Variants in MSS51 observed in about 807,000 individuals in gnomAD.
MSS51 encodes the protein putative protein MSS51 homolog, mitochondrial.
Under a neutral mutation model 40.2 loss-of-function variants are expected in MSS51, and 32 were observed. That is an observed-to-expected ratio of 0.80 (90% CI 0.60 to 1.07). The LOEUF (loss-of-function observed/expected upper bound fraction) is 1.07. MSS51 is among the 50% of genes least tolerant of loss of function. MSS51 has a pLI of 0.00. For missense variants in MSS51, 518 were observed against 568.9 expected (o/e 0.91, Z 0.91); for synonymous variants, 178 against 214.2 (o/e 0.83, Z 1.48).
rs1266281511 is a variant in MSS51, at chr10:73,428,248, G to A, written c.37C>T (p.Pro13Ser). The change falls in exon 2 of 7, where the codon CCT becomes TCT. Residue 13 changes from proline (P) to serine (S), a missense_variant. By Grantham distance (74) the Pro-to-Ser change is moderately conservative. Coordinates refer to ENST00000299432, the MANE Select transcript of MSS51 (RefSeq NM_001024593.2). ...PRSRRRRHKK[P>S]PSSVAPIIMA... Reference sequence around the variant, plus strand: ...ATGATGGGAGCCACTGATGAGGGAGGTTTCTTGTGCCTTCGTCGCCGGGAC... The same window carrying A: ...ATGATGGGAGCCACTGATGAGGGAGATTTCTTGTGCCTTCGTCGCCGGGAC... The A allele has an allele frequency of 6.2e-7, 1 of 1,613,352 alleles. No homozygotes were observed. The highest frequency in any genetic ancestry group is 1.3e-5 in the African/African-American group (1 of 74,888).
At chr10:73,430,208 G>A (rs1175965578) in intron 1 of MSS51, among the ~76,000 whole-genome samples, 1 of 152,044 alleles carries the variant, frequency 6.6e-6, no homozygotes, top group Non-Finnish European at 1.5e-5. Flanking sequence ...ATAATTTCTA[G>A]GATATGACAC....
At position 73,426,266 on chromosome 10, in the gene MSS51, A is replaced by G. The variant is rs201471180; in HGVS notation, c.614T>C (p.Val205Ala). 158 of 1,612,576 alleles carry G rather than the reference A, an allele frequency of 9.8e-5. 3 individuals are homozygous for G. The East Asian group carries it at 2.9e-3, about 29-fold the overall frequency. ...GGTGGTCACAGCATGACTAACTAGC[A>G]CAGCATCCAATGTAGCATCTAGGTG... Reference protein sequence around the residue: ...GLHLDATLDAVLVSHAVTTLW... With the variant: ...GLHLDATLDAALVSHAVTTLW... Residue 205 changes from valine (V) to alanine (A), a missense_variant, in exon 5 of 7, where the codon GTG becomes GCG. Val to Ala is a moderately conservative substitution (Grantham distance 64, BLOSUM62 0). Coordinates refer to ENST00000299432, the MANE Select transcript of MSS51 (RefSeq NM_001024593.2).
chr10:73,430,272 T>C (rs1023202010), intron 1 of MSS51, among the ~76,000 whole-genome samples: 1 of 151,836 alleles, frequency 6.6e-6, no homozygotes, highest in African/African-American at 2.4e-5. Context: ...GACAGCAAAA[T>C]TAAAAACTTT....
chr10:73,429,585 G>T (rs1273459817), intron 1 of MSS51: 1 of 455,842 alleles, frequency 2.2e-6, no homozygotes, highest in East Asian at 6.9e-5. Flanking sequence ...TCCTAAAGTG[G>T]TAAGTTTTGA....
intron 5 of MSS51, 138 bp downstream of exon 5, chr10:73,425,673 A>AG: frequency 7.6e-6 from 6 of 786,524 alleles, no homozygotes; most frequent in South Asian, 2.3e-5. Flanking sequence ...AAAAAAAAAA[A>AG]AGAAAAAAAA....
rs2055961011 is a variant in MSS51, at chr10:73,423,737, A to G, written c.*816T>C. 1 of 152,196 alleles carries G rather than the reference A, an allele frequency of 6.6e-6. No homozygotes were observed. The highest frequency in any genetic ancestry group is 1.5e-5 in the Non-Finnish European group (1 of 68,028). 9.4% of individuals were successfully genotyped at this position (152,196 alleles called of 1,614,324 possible). ...CCCCAAGAGAAAACAGGAAAAGTAGACATTTCTCTCAAAAAAGTCAGGAAA... is the reference window on the plus strand; with the variant it reads ...CCCCAAGAGAAAACAGGAAAAGTAGGCATTTCTCTCAAAAAAGTCAGGAAA... On this transcript the variant is annotated 3_prime_UTR_variant, in exon 7 of 7. Coordinates refer to ENST00000299432, the MANE Select transcript of MSS51 (RefSeq NM_001024593.2).
At chr10:73,429,803 G>A in intron 1 of MSS51, 1 of 406,516 alleles carries the variant, frequency 2.5e-6, no homozygotes, top group Non-Finnish European at 4.9e-6. Flanking sequence ...AAGCAAATAT[G>A]AGAAATATAT....
chr10:73,433,233 A>G (rs2056042143), intron 1 of MSS51, among the ~76,000 whole-genome samples: 1 of 152,124 alleles, frequency 6.6e-6, no homozygotes, highest in Non-Finnish European at 1.5e-5. Flanking sequence ...AACTACAGTC[A>G]TATTTTCACT....
chr10:73,428,949 A>C (rs554865247), intron 1 of MSS51, among the ~76,000 whole-genome samples: 1 of 152,128 alleles, frequency 6.6e-6, no homozygotes, highest in South Asian at 2.1e-4. Flanking sequence ...TCACGCCTGT[A>C]ATCCCAGCAC....
chr10:73,429,346 A>T, intron 1 of MSS51, among the ~76,000 whole-genome samples: 1 of 152,374 alleles, frequency 6.6e-6, no homozygotes, highest in South Asian at 2.1e-4. Flanking sequence ...ATATTAATAT[A>T]GCTTTAATGT....
At chr10:73,432,980 C>A (rs919026176) in intron 1 of MSS51, among the ~76,000 whole-genome samples, 2 of 152,036 alleles carry the variant, frequency 1.3e-5, no homozygotes, top group Non-Finnish European at 2.9e-5. Flanking sequence ...GTCTAGAATG[C>A]TCTCCACTTA....
At position 73,426,143 on chromosome 10, in the gene MSS51, AGAG is replaced by A. The variant is rs1564541247; in HGVS notation, c.734_736del (p.Thr245_Leu246delinsIle). ...CCCCAAGGCCCTAAGTCCTAGGCCT[AGAG>A]TCAAGGGCCGTGACAGGACATCTGT... is the stretch of plus-strand genomic sequence containing the variant. On this transcript the variant is annotated inframe_deletion, in exon 5 of 7. Coordinates refer to ENST00000299432, the MANE Select transcript of MSS51 (RefSeq NM_001024593.2). 6.2e-7 allele frequency: 1 copy of A among 1,614,210 alleles called. No homozygotes were observed. The highest frequency in any genetic ancestry group is 8.5e-7 in the Non-Finnish European group (1 of 1,180,020).
At chr10:73,430,970 G>A (rs575681582) in intron 1 of MSS51, among the ~76,000 whole-genome samples, 1 of 152,134 alleles carries the variant, frequency 6.6e-6, no homozygotes, top group Admixed American at 6.5e-5. Flanking sequence ...ACTGATACAC[G>A]CTACAATGTA....
At chr10:73,428,825 G>T (rs116060245) in intron 1 of MSS51, among the ~76,000 whole-genome samples, 7,078 of 151,822 alleles carry the variant, frequency 0.047, 506 homozygotes, top group African/African-American at 0.15. Context: ...TTTACACATA[G>T]TAAGTCCTAT....
chr10:73,427,872 G>A (rs1387096148), intron 2 of MSS51, 104 bp from the exon 3 acceptor site: 2 of 1,342,952 alleles, frequency 1.5e-6, no homozygotes, highest in Non-Finnish European at 2.1e-6. Flanking sequence ...TTACTCCTAT[G>A]TCTCCCACTG....
Position 73,426,701 on chromosome 10 carries a change from C to T in MSS51, c.408G>A (p.Glu136=). 6.2e-7 allele frequency: 1 copy of T among 1,614,150 alleles called. No homozygotes were observed. Among genetic ancestry groups the T allele is most frequent in the Non-Finnish European group, 8.5e-7 (1 of 1,180,022 alleles). ...RCRNVYYCGP[E]CQKSDWPAHR... is the part of the protein sequence containing the mutation. Reference sequence around the variant, plus strand: ...GTGCGGGCCAGTCTGACTTCTGGCACTCTGGACCACAGTAATAGACATTTC... The same window carrying T: ...GTGCGGGCCAGTCTGACTTCTGGCATTCTGGACCACAGTAATAGACATTTC... Residue 136 remains glutamate, a synonymous_variant, in exon 4 of 7, where the codon GAG becomes GAA. Coordinates refer to ENST00000299432, the MANE Select transcript of MSS51 (RefSeq NM_001024593.2).
intron 5 of MSS51, 105 bp from the exon 6 acceptor site, chr10:73,425,296 C>A (rs1346741266): frequency 7.4e-6 from 5 of 678,828 alleles, no homozygotes; most frequent in Admixed American, 3.1e-5. Flanking sequence ...TTGCTTATCC[C>A]CAGTCATTAT....
intron 1 of MSS51, among the ~76,000 whole-genome samples, chr10:73,428,687 A>G (rs937217839): frequency 6.6e-6 from 1 of 151,618 alleles, no homozygotes; most frequent in Non-Finnish European, 1.5e-5. Context: ...GGGTTTCACC[A>G]TGTTGGTCAG....
At chr10:73,429,200 C>CT (rs2056011264) in intron 1 of MSS51, among the ~76,000 whole-genome samples, 1 of 151,594 alleles carries the variant, frequency 6.6e-6, no homozygotes, top group Non-Finnish European at 1.5e-5. Flanking sequence ...GAGCAAAACT[C>CT]TGTCTCAAAA....
Sources: allele counts gnomAD v4.1 joint callset (sites outside exome capture counted in the v4.1 genomes callset), GRCh38; gene constraint gnomAD v4.1.1; transcripts MANE v1.5; gene names NCBI Gene and HGNC (gene_info 2026-07-23, HGNC 2026-07-21).